KLHL34: variants seen among roughly 807,000 people sequenced by gnomAD.
KLHL34 encodes kelch-like protein 34.
A neutral mutation model predicts 23.8 loss-of-function variants in KLHL34; 24 were observed. The observed-to-expected ratio is 1.01, with a 90% CI of 0.73 to 1.42. KLHL34 has a LOEUF of 1.42. Among genes scored for constraint, KLHL34 ranks in the 40% most tolerant of loss-of-function variants. KLHL34 has a pLI of 0.00. For missense variants in KLHL34, 652 were observed against 595.1 expected, an observed-to-expected ratio of 1.10 and a Z score of -0.99; for synonymous variants, 303 against 287.9, an observed-to-expected ratio of 1.05 and a Z score of -0.53.
rs2092730649 is a variant in KLHL34, at chrX:21,655,554, G to A, written c.*300C>T. 1 of 207,360 alleles carries A rather than the reference G, an allele frequency of 4.8e-6. No individual in the cohort carries two copies. The highest frequency in any genetic ancestry group is 2.6e-4 in the South Asian group (1 of 3,807). The allele number at this position is 207,360 out of a possible 1,213,427, so 17.1% of individuals were successfully genotyped here. On this transcript the variant is annotated 3_prime_UTR_variant, in exon 1 of 1. Transcript: ENST00000379499. ...CTTTAACTGTAAGAGGGAAAATAAG[G>A]TCATATTTTATTTGTGAAAGTCCTT... is the stretch of plus-strand genomic sequence containing the variant.
rs758807546 is a variant in KLHL34 at position 21,656,294 on chromosome X, G to T, written c.1495C>A (p.Leu499Met). 8 of 1,201,703 alleles carry T rather than the reference G, an allele frequency of 6.7e-6. No individual in the cohort carries two copies. The highest frequency in any genetic ancestry group is 5.6e-6 in the Non-Finnish European group (5 of 890,567). ...CTCCAAACCTGCTCCTCAGGGCCCA[G>T]GACGTATAAGTCCCGGAGGCTGCTC... ...GASSLRDLYV[L>M]GPEEQVWSKK... Residue 499 changes from leucine (L) to methionine (M), a missense_variant, in exon 1 of 1, where the codon CTG becomes ATG. By Grantham distance (15) the Leu-to-Met change is conservative. Transcript: ENST00000379499.
rs769200857 is a variant in KLHL34, at chrX:21,656,929, C to A, written c.860G>T (p.Gly287Val). 1 of 1,159,502 alleles carries A rather than the reference C, an allele frequency of 8.6e-7. No homozygotes were observed. The highest frequency in any genetic ancestry group is 2.5e-5 in the Admixed American group (1 of 39,801). ...SPQTRILLVG[G>V]RRAREVVIEE... Reference sequence around the variant, plus strand: ...AATCACCACCTCCCGTGCCCTGCGCCCCCCCACCAACAAGATGCGGGTCTG... The same window carrying A: ...AATCACCACCTCCCGTGCCCTGCGCACCCCCACCAACAAGATGCGGGTCTG... Residue 287 changes from glycine to valine, a missense_variant, in exon 1 of 1, where the codon GGG becomes GTG. Coordinates refer to ENST00000379499, the MANE Select transcript of KLHL34 (RefSeq NM_153270.3).
At position 21,657,184 on chromosome X, in the gene KLHL34, G is replaced by T; in HGVS notation, c.605C>A (p.Ala202Asp). 2 of 1,203,725 alleles carry T rather than the reference G, an allele frequency of 1.7e-6. No homozygotes were observed. The highest frequency in any genetic ancestry group is 1.1e-6 in the Non-Finnish European group (1 of 892,534). Residue 202 changes from alanine to aspartate, a missense_variant, in exon 1 of 1, where the codon GCT becomes GAT. Transcript: ENST00000379499. ...PEARLLGLAL[A>D]WLRQEPTTER... is the part of the protein sequence containing the mutation. ...AGTTGTGGGCTCCTGCCGCAACCAAGCTAACGCCAGGCCCAGTAGCCGGGC... is the reference window on the plus strand; with the variant it reads ...AGTTGTGGGCTCCTGCCGCAACCAATCTAACGCCAGGCCCAGTAGCCGGGC...
Position 21,656,243 on chromosome X carries a change from G to C in KLHL34, c.1546C>G (p.Arg516Gly). The C allele has an allele frequency of 3.3e-6, 4 of 1,199,716 alleles. No individual in the cohort carries two copies. The highest frequency in any genetic ancestry group is 4.5e-6 in the Non-Finnish European group (4 of 889,588). ...WSKKAPMGTA[R>G]FGHHMAVLRG... ...AGCACTGCCATGTGGTGCCCGAAAC[G>C]TGCGGTGCCCATGGGTGCCTTCTTG... Residue 516 changes from arginine (R) to glycine (G), a missense_variant, in exon 1 of 1, where the codon CGT becomes GGT. Arg to Gly is a moderately radical substitution (Grantham distance 125). Transcript: ENST00000379499.
rs1041744256 is a variant in KLHL34 at position 21,657,309 on chromosome X, C to T, written c.480G>A (p.Glu160=). The T allele has an allele frequency of 6.0e-6, 7 of 1,157,654 alleles. No individual in the cohort carries two copies. Among genetic ancestry groups the T allele is most frequent in the African/African-American group, 1.8e-5 (1 of 56,049 alleles). ...CGGGGCCCGCGCCCCGCGCCAGCAG[C>T]TCCTGCAAGTGGCTCACGATGCAGC... The part of the protein sequence containing the change: ...AERCIVSHLQ[E]LLARGAGPAG... The change falls in exon 1 of 1, where the codon GAG becomes GAA. Residue 160 remains glutamate, a synonymous_variant. Coordinates refer to ENST00000379499, the MANE Select transcript of KLHL34 (RefSeq NM_153270.3).
Position 21,656,210 on chromosome X carries a change from C to A in KLHL34, c.1579G>T (p.Ala527Ser), listed in dbSNP as rs1397081875. Residue 527 changes from alanine (A) to serine (S), a missense_variant, in exon 1 of 1, where the codon GCT becomes TCT. Physicochemically the swap from Ala to Ser is moderately conservative, Grantham distance 99 (BLOSUM62 1). Coordinates refer to ENST00000379499, the MANE Select transcript of KLHL34 (RefSeq NM_153270.3). The stretch of plus-strand genomic sequence containing the variant: ...TATCGCCCCAGAAAAGCAAACACAG[C>A]GCCGCGCAGCACTGCCATGTGGTGC... ...FGHHMAVLRG[A>S]VFAFLGRYEP... The A allele has an allele frequency of 8.5e-7, 1 of 1,180,629 alleles. No homozygotes were observed.
rs1380008042 is a variant in KLHL34 at position 21,656,562 on chromosome X, G to A, written c.1227C>T (p.Pro409=). The change falls in exon 1 of 1, where the codon CCC becomes CCT. Residue 409 remains proline (P), a synonymous_variant. Transcript: ENST00000379499. Reference sequence around the variant, plus strand: ...AGTGGGCCCGCGCTTCCCGCATGGCGGGCACTTCCGTCCAAGCGTGGAAGC... The same window carrying A: ...AGTGGGCCCGCGCTTCCCGCATGGCAGGCACTTCCGTCCAAGCGTGGAAGC... ...DPRFHAWTEV[P]AMREARAHFW... is the part of the protein sequence containing the mutation. The A allele has an allele frequency of 8.3e-7, 1 of 1,200,298 alleles. No homozygotes were observed. Among genetic ancestry groups the A allele is most frequent in the East Asian group, 3.0e-5 (1 of 33,253 alleles).
At position 21,656,523 on chromosome X, in the gene KLHL34, C is replaced by T. The variant is rs772176214; in HGVS notation, c.1266G>A (p.Ala422=). The T allele has an allele frequency of 2.5e-6, 3 of 1,197,374 alleles. No homozygotes were observed. Among genetic ancestry groups the T allele is most frequent in the Admixed American group, 2.2e-5 (1 of 44,552 alleles). ...CGACGGCCAGGAGCCTCTCGCCCACCGCGCCGCACCAGAAGTGGGCCCGCG... is the reference window on the plus strand; with the variant it reads ...CGACGGCCAGGAGCCTCTCGCCCACTGCGCCGCACCAGAAGTGGGCCCGCG... The part of the protein sequence containing the change: ...REARAHFWCG[A]VGERLLAVGG... Residue 422 remains alanine (A), a synonymous_variant, in exon 1 of 1, where the codon GCG becomes GCA. Transcript: ENST00000379499.
chrX:21,656,131 CG>C lies in KLHL34; in HGVS notation c.1657del (p.Arg553GlyfsTer40), dbSNP rs1569295395. 1 of 1,178,378 alleles carries C rather than the reference CG, an allele frequency of 8.5e-7. No homozygotes were observed. The highest frequency in any genetic ancestry group is 1.1e-6 in the Non-Finnish European group (1 of 877,666). ...GCGGTCGTAGGGCAGCGGCCGCAACCGAGTCCACTGGTCGGCGCCGGGGTCG... is the reference window on the plus strand; with the variant it reads ...GCGGTCGTAGGGCAGCGGCCGCAACCAGTCCACTGGTCGGCGCCGGGGTCG... ...RYDPGADQWT[R>X]LRPLPYDRFC... On this transcript the variant is annotated frameshift_variant, in exon 1 of 1. Coordinates refer to ENST00000379499, the MANE Select transcript of KLHL34 (RefSeq NM_153270.3). LOFTEE classifies it high-confidence loss of function.
In KLHL34 at chrX:21,656,081, C is replaced by G. The variant is rs746599130; in HGVS notation, c.1708G>C (p.Glu570Gln). 2 of 1,187,480 alleles carry G rather than the reference C, an allele frequency of 1.7e-6. No homozygotes were observed. Among genetic ancestry groups the G allele is most frequent in the East Asian group, 3.0e-5 (1 of 33,089 alleles). ...DRFCYGLAVVEETALLLGGLK... is the reference protein window; with the variant it reads ...DRFCYGLAVVQETALLLGGLK... ...CCGCCCAGCAGCAACGCTGTCTCCT[C>G]GACCACGGCCAGCCCATAGCAGAAG... Residue 570 changes from glutamate to glutamine, a missense_variant, in exon 1 of 1, where the codon GAG (glutamate) becomes CAG (glutamine). Glu to Gln is a conservative substitution (Grantham distance 29). Transcript: ENST00000379499.
In KLHL34 at chrX:21,655,961, G is replaced by A; in HGVS notation, c.1828C>T (p.Pro610Ser). Residue 610 changes from proline (P) to serine (S), a missense_variant, in exon 1 of 1, where the codon CCC (proline) becomes TCC (serine). Transcript: ENST00000379499. Reference sequence around the variant, plus strand: ...CACCGCAGGCCGCTCCAGGCCCAGGGCAACGCGCAGCCGATGTCCTCCCAA... The same window carrying A: ...CACCGCAGGCCGCTCCAGGCCCAGGACAACGCGCAGCCGATGTCCTCCCAA... ...DRWEDIGCALPWAWSGLRCAV... is the reference protein window; with the variant it reads ...DRWEDIGCALSWAWSGLRCAV... The A allele has an allele frequency of 8.3e-7, 1 of 1,210,957 alleles. No individual in the cohort carries two copies. Among genetic ancestry groups the A allele is most frequent in the Non-Finnish European group, 1.1e-6 (1 of 895,210 alleles).
In KLHL34 at chrX:21,657,062, C is replaced by A; in HGVS notation, c.727G>T (p.Val243Leu). The A allele has an allele frequency of 1.7e-6, 2 of 1,191,833 alleles. No homozygotes were observed. The highest frequency in any genetic ancestry group is 2.3e-6 in the Non-Finnish European group (2 of 884,687). The change falls in exon 1 of 1, where the codon GTG (valine) becomes TTG (leucine). Residue 243 changes from valine to leucine, a missense_variant. Physicochemically the swap from Val to Leu is conservative, Grantham distance 32. Transcript: ENST00000379499. ...AGGCCCTTGACCCGGGCGGGCAGCA[C>A]GAGGCCAGAGCCCGAGTACACGCGC... ...LRRVYSGSGL[V>L]LPARVKGLII...
rs1257079404 is a variant in KLHL34 at position 21,656,557 on chromosome X, A to C, written c.1232T>G (p.Met411Arg). 8.3e-7 allele frequency: 1 copy of C among 1,200,049 alleles called. No individual in the cohort carries two copies. The highest frequency in any genetic ancestry group is 2.2e-5 in the Admixed American group (1 of 44,904). The change falls in exon 1 of 1, where the codon ATG becomes AGG. Residue 411 changes from methionine (M) to arginine (R), a missense_variant. Met to Arg is a moderately conservative substitution (Grantham distance 91). Transcript: ENST00000379499. ...CCAGAAGTGGGCCCGCGCTTCCCGCATGGCGGGCACTTCCGTCCAAGCGTG... is the reference window on the plus strand; with the variant it reads ...CCAGAAGTGGGCCCGCGCTTCCCGCCTGGCGGGCACTTCCGTCCAAGCGTG... ...RFHAWTEVPA[M>R]REARAHFWCG...
Position 21,656,872 on chromosome X carries a change from C to G in KLHL34, c.917G>C (p.Arg306Thr). 8.5e-7 allele frequency: 1 copy of G among 1,178,703 alleles called. No homozygotes were observed. The change falls in exon 1 of 1, where the codon AGG becomes ACG. Residue 306 changes from arginine to threonine, a missense_variant. Arg to Thr is a moderately conservative substitution (Grantham distance 71). Coordinates refer to ENST00000379499, the MANE Select transcript of KLHL34 (RefSeq NM_153270.3). Reference protein sequence around the residue: ...EEVAAPQRAARGQVAAPEPEE... With the variant: ...EEVAAPQRAATGQVAAPEPEE... ...GGGCTCTGGGGCGGCGACCTGGCCCCTAGCTGCCCTCTGCGGGGCCGCGAC... is the reference window on the plus strand; with the variant it reads ...GGGCTCTGGGGCGGCGACCTGGCCCGTAGCTGCCCTCTGCGGGGCCGCGAC...
In KLHL34 at chrX:21,656,355, G is replaced by A. The variant is rs1397528669; in HGVS notation, c.1434C>T (p.Ile478=). 2.7e-5 allele frequency: 32 copies of A among 1,198,353 alleles called. No homozygotes were observed. The highest frequency in any genetic ancestry group is 3.6e-5 in the Non-Finnish European group (32 of 890,026). ...GAVGDRGVVY[I]SGGKAGRGEG... Reference sequence around the variant, plus strand: ...CGCCTCTCCCTGCCTTGCCCCCCGAGATGTACACAACACCGCGGTCCCCGA... The same window carrying A: ...CGCCTCTCCCTGCCTTGCCCCCCGAAATGTACACAACACCGCGGTCCCCGA... Residue 478 remains isoleucine, a synonymous_variant, in exon 1 of 1, where the codon ATC becomes ATT. Coordinates refer to ENST00000379499, the MANE Select transcript of KLHL34 (RefSeq NM_153270.3).
Position 21,656,895 on chromosome X carries a change from G to T in KLHL34, c.894C>A (p.Val298=), listed in dbSNP as rs1030833460. The T allele has an allele frequency of 1.7e-6, 2 of 1,170,936 alleles. No homozygotes were observed. The highest frequency in any genetic ancestry group is 3.5e-5 in the African/African-American group (2 of 56,881). The part of the protein sequence containing the change: ...RRAREVVIEE[V]AAPQRAARGQ... ...CCCTAGCTGCCCTCTGCGGGGCCGC[G>T]ACCTCCTCAATCACCACCTCCCGTG... Residue 298 remains valine (V), a synonymous_variant, in exon 1 of 1, where the codon GTC becomes GTA. Coordinates refer to ENST00000379499, the MANE Select transcript of KLHL34 (RefSeq NM_153270.3).
rs1414568168 is a variant in KLHL34 at position 21,654,769 on chromosome X, C to G, written c.*1085G>C. 9.0e-6 allele frequency: 1 copy of G among 111,261 alleles called. No homozygotes were observed. Among genetic ancestry groups the G allele is most frequent in the Admixed American group, 9.5e-5 (1 of 10,476 alleles). The allele number at this position is 111,261 out of a possible 1,213,427, so 9.2% of individuals were successfully genotyped here. On this transcript the variant is annotated 3_prime_UTR_variant, in exon 1 of 1. Transcript: ENST00000379499. ...ACCTAATTATACAGCCACCACCCCCCACCCTAGTTTCGAGTTCTAACTTTG... is the reference window on the plus strand; with the variant it reads ...ACCTAATTATACAGCCACCACCCCCGACCCTAGTTTCGAGTTCTAACTTTG...
At position 21,656,645 on chromosome X, in the gene KLHL34, A is replaced by G; in HGVS notation, c.1144T>C (p.Ser382Pro). The change falls in exon 1 of 1, where the codon TCT (serine) becomes CCT (proline). Residue 382 changes from serine (S) to proline (P), a missense_variant. Transcript: ENST00000379499. ...ACCCGCGAGTCGTCGGCCAGGGGAG[A>G]GGATGCACTGCCGGAAGGGCTCTCC... ...GGESPSGSAS[S>P]PLADDSRVVT... 1 of 1,210,647 alleles carries G rather than the reference A, an allele frequency of 8.3e-7. No individual in the cohort carries two copies. The highest frequency in any genetic ancestry group is 1.7e-5 in the African/African-American group (1 of 57,838).
Position 21,658,051 on chromosome X carries a change from C to A in KLHL34, c.-263G>T. 1 of 310,831 alleles carries A rather than the reference C, an allele frequency of 3.2e-6. No individual in the cohort carries two copies. The highest frequency in any genetic ancestry group is 5.6e-5 in the Admixed American group (1 of 17,757). 25.6% of individuals were successfully genotyped at this position (310,831 alleles called of 1,213,427 possible). A position where few individuals can be genotyped will look rare whatever the true frequency, so the allele number is the denominator to read the frequency against. ...GAGGGCGCGGAATTTGGAGGCTTCC[C>A]GGGAGTGTGGGGCTTGGTTTCCACG... On this transcript the variant is annotated 5_prime_UTR_variant, in exon 1 of 1. Transcript: ENST00000379499.
Sources: allele counts gnomAD v4.1 joint callset, GRCh38; gene constraint gnomAD v4.1.1; transcripts MANE v1.5; gene names NCBI Gene and HGNC (gene_info 2026-07-23, HGNC 2026-07-21).